AFG2A: variants seen among roughly 807,000 people sequenced by gnomAD.
AFG2A encodes ATPase family gene 2 protein homolog A.
the AFG2A span, chr4:122,927,758 G>A: frequency 6.2e-7 from 1 of 1,611,564 alleles, no homozygotes. Context: ...GAAAGCAAGA[G>A]GTAAGAGTCT....
At chr4:123,034,068 A>C in the AFG2A span, among the ~76,000 whole-genome samples, 2 of 151,844 alleles carry the variant, frequency 1.3e-5, no homozygotes, top group African/African-American at 4.9e-5. Context: ...GCTTTGAACA[A>C]CACATTTTTT....
chr4:123,266,070 T>C, the AFG2A span, among the ~76,000 whole-genome samples: 2 of 152,020 alleles, frequency 1.3e-5, no homozygotes, highest in Admixed American at 1.3e-4. Flanking sequence ...TAGATTCTGA[T>C]AGTGACAGTT....
the AFG2A span, among the ~76,000 whole-genome samples, chr4:123,061,062 A>G: frequency 3.3e-5 from 5 of 152,226 alleles, no homozygotes; most frequent in South Asian, 1.0e-3. Flanking sequence ...CTCAGCCTGG[A>G]TTTTATTGTT....
At chr4:123,216,197 G>A in the AFG2A span, among the ~76,000 whole-genome samples, 1 of 151,966 alleles carries the variant, frequency 6.6e-6, no homozygotes, top group South Asian at 2.1e-4. Flanking sequence ...GTTTCTAGGA[G>A]GTATTCCACT....
At chr4:123,082,530 T>C in the AFG2A span, among the ~76,000 whole-genome samples, 6 of 87,378 alleles carry the variant, frequency 6.9e-5, no homozygotes, top group Admixed American at 1.1e-4. Context: ...TTTCTTTTTT[T>C]TTTTTTTTGG....
At chr4:123,009,055 A>G in the AFG2A span, among the ~76,000 whole-genome samples, 1 of 152,210 alleles carries the variant, frequency 6.6e-6, no homozygotes, top group Non-Finnish European at 1.5e-5. Context: ...TGTTACACTC[A>G]TGGTTATGAT....
the AFG2A span, among the ~76,000 whole-genome samples, chr4:122,973,845 T>G: frequency 6.6e-6 from 1 of 152,132 alleles, no homozygotes; most frequent in Non-Finnish European, 1.5e-5. Context: ...GCCTGGCTAA[T>G]TTTTGAAATT....
At chr4:123,211,436 T>A in the AFG2A span, among the ~76,000 whole-genome samples, 4 of 151,992 alleles carry the variant, frequency 2.6e-5, no homozygotes, top group African/African-American at 9.7e-5. Flanking sequence ...TAGGAAGAAA[T>A]CAGTATCGGA....
At chr4:123,318,915 A>T in the AFG2A span, 1 of 152,244 alleles carries the variant, frequency 6.6e-6, no homozygotes, top group East Asian at 1.9e-4. Context: ...ACTTTTTGGC[A>T]TCTGTTTGGT....
the AFG2A span, among the ~76,000 whole-genome samples, chr4:123,048,569 ATCTTTGACT>A: frequency 6.6e-6 from 1 of 152,034 alleles, no homozygotes; most frequent in East Asian, 1.9e-4. Context: ...CCTTGTAGAG[ATCTTTGACT>A]TCTTTGGTCA....
the AFG2A span, among the ~76,000 whole-genome samples, chr4:123,207,312 A>T: frequency 9.0e-6 from 1 of 111,520 alleles, no homozygotes; most frequent in Admixed American, 1.2e-4. Flanking sequence ...TTTTTGTGAG[A>T]CACGGTCTAG....
the AFG2A span, among the ~76,000 whole-genome samples, chr4:122,982,734 T>C: frequency 6.6e-6 from 1 of 152,126 alleles, no homozygotes; most frequent in Non-Finnish European, 1.5e-5. Context: ...TGGGAATTTC[T>C]TTCTTTCTTC....
the AFG2A span, among the ~76,000 whole-genome samples, chr4:123,011,619 C>T: frequency 1.3e-5 from 2 of 152,254 alleles, no homozygotes; most frequent in East Asian, 3.9e-4. Flanking sequence ...TCGAAAGTGC[C>T]ATTTTCTGGC....
the AFG2A span, among the ~76,000 whole-genome samples, chr4:123,312,041 C>G: frequency 1.3e-5 from 2 of 152,196 alleles, no homozygotes; most frequent in Non-Finnish European, 2.9e-5. Flanking sequence ...CAACCCCCGC[C>G]CTGGCCACCA....
chr4:123,301,650 G>A, the AFG2A span, among the ~76,000 whole-genome samples: 3 of 152,158 alleles, frequency 2.0e-5, no homozygotes, highest in African/African-American at 7.2e-5. Flanking sequence ...TATGTTATGT[G>A]CTAATGGTAT....
At chr4:123,144,289 T>G in the AFG2A span, among the ~76,000 whole-genome samples, 1 of 152,126 alleles carries the variant, frequency 6.6e-6, no homozygotes, top group Non-Finnish European at 1.5e-5. Context: ...GCTTTTAATA[T>G]TTTTTTCTAA....
the AFG2A span, among the ~76,000 whole-genome samples, chr4:123,113,641 A>G: frequency 6.6e-6 from 1 of 152,306 alleles, no homozygotes; most frequent in East Asian, 1.9e-4. Context: ...CAGTTTTCAT[A>G]TGTAAATTCT....
the AFG2A span, among the ~76,000 whole-genome samples, chr4:123,163,942 G>T: frequency 6.6e-6 from 1 of 152,318 alleles, no homozygotes; most frequent in Admixed American, 6.5e-5. Flanking sequence ...GTGATCAGAG[G>T]TAAGGTTTAA....
At chr4:123,041,883 A>G in the AFG2A span, among the ~76,000 whole-genome samples, 1 of 152,220 alleles carries the variant, frequency 6.6e-6, no homozygotes, top group Non-Finnish European at 1.5e-5. Flanking sequence ...AAAATCAGGC[A>G]GAAAGATAAA....
Sources: gnomAD v4.1 joint callset for allele counts (sites outside exome capture counted in the v4.1 genomes callset) on GRCh38, gnomAD v4.1.1 for gene constraint, MANE v1.5 for transcripts, NCBI Gene and HGNC (gene_info 2026-07-23, HGNC 2026-07-21) for gene names.